LIPN: variants seen among roughly 807,000 people sequenced by gnomAD.
The protein encoded by LIPN is lipase family member N, also known as lipase member N.
Under a neutral mutation model 43.7 loss-of-function variants are expected in LIPN, and 32 were observed. That is an observed-to-expected ratio of 0.73 (90% confidence interval 0.55 to 0.98). The LOEUF (loss-of-function observed/expected upper bound fraction) is 0.98. Among genes scored for constraint, LIPN ranks in the 50% least tolerant of loss-of-function variants. The probability of loss-of-function intolerance (pLI) is 0.00; values close to 1 mark genes in which losing one functional copy is unlikely to be tolerated. For synonymous variants in LIPN, 156 were observed against 157.6 expected, an observed-to-expected ratio of 0.99 and a Z score of 0.08; for missense variants, 505 against 483.8, an observed-to-expected ratio of 1.04 and a Z score of -0.41.
chr10:88,775,284 TAA>T (rs992493566), intron 9 of LIPN, 121 bp downstream of exon 9: 1 of 472,280 alleles, frequency 2.1e-6, no homozygotes, highest in Admixed American at 4.1e-5. Context: ...AACTTTTTTT[TAA>T]AAAAATTTTA....
At chr10:88,776,063 T>G (rs993597949) in intron 9 of LIPN, among the ~76,000 whole-genome samples, 4 of 152,084 alleles carry the variant, frequency 2.6e-5, no homozygotes, top group African/African-American at 9.7e-5. Context: ...TAATTTTGTG[T>G]GTCCCATTTA....
intron 6 of LIPN, chr10:88,769,550 AAAGGTCATTG>A: frequency 2.0e-6 from 2 of 980,460 alleles, no homozygotes; most frequent in Non-Finnish European, 2.4e-6. Flanking sequence ...GTTTCTCTAC[AAAGGTCATTG>A]CCACAATGAA....
rs762551108 is a variant in LIPN at position 88,770,935 on chromosome 10, A to C, written c.763A>C (p.Ile255Leu). Reference protein sequence around the residue: ...KICNNKILWLICSEFMSLWAG... With the variant: ...KICNNKILWLLCSEFMSLWAG... Reference sequence around the variant, plus strand: ...CTGCAACAATAAGATACTCTGGTTGATATGTAGCGAATTTATGTCCTTATG... The same window carrying C: ...CTGCAACAATAAGATACTCTGGTTGCTATGTAGCGAATTTATGTCCTTATG... Residue 255 changes from isoleucine to leucine, a missense_variant, in exon 7 of 10, where the codon ATA (isoleucine) becomes CTA (leucine). Transcript: ENST00000404459. 3 of 1,562,750 alleles carry C rather than the reference A, an allele frequency of 1.9e-6. No homozygotes were observed. The highest frequency in any genetic ancestry group is 2.6e-6 in the Non-Finnish European group (3 of 1,151,314).
At chr10:88,764,757 A>G (rs1171664561) in intron 4 of LIPN, 149 bp downstream of exon 4, 1 of 537,478 alleles carries the variant, frequency 1.9e-6, no homozygotes, top group Non-Finnish European at 3.1e-6. Flanking sequence ...AACAGCAAGA[A>G]GCTCTGATTT....
intron 4 of LIPN, among the ~76,000 whole-genome samples, chr10:88,765,865 T>C (rs1843087122): frequency 6.6e-6 from 1 of 151,848 alleles, no homozygotes. Context: ...CCATAAATAG[T>C]AGAATCATGA....
Position 88,774,459 on chromosome 10 carries a change from T to G in LIPN, c.820-14T>G, listed in dbSNP as rs1843262168. 20 of 1,598,412 alleles carry G rather than the reference T, an allele frequency of 1.3e-5. No homozygotes were observed. Among genetic ancestry groups the G allele is most frequent in the Non-Finnish European group, 1.7e-5 (20 of 1,169,986 alleles). ...GTTGGGCAATTGCTGTAATATGAGT[T>G]TTATCTCCTTTAGAGTCGAATGGAT... On this transcript the variant is annotated splice_polypyrimidine_tract_variant and intron_variant, in intron 7 of 9. Transcript: ENST00000404459.
At chr10:88,775,850 C>G (rs1203208023) in intron 9 of LIPN, among the ~76,000 whole-genome samples, 1 of 151,958 alleles carries the variant, frequency 6.6e-6, no homozygotes, top group Non-Finnish European at 1.5e-5. Flanking sequence ...ATATTTTAAG[C>G]TATTTACTGG....
chr10:88,775,304 TTTTAA>T (rs1405023075), intron 9 of LIPN, 141 bp downstream of exon 9: 22 of 422,736 alleles, frequency 5.2e-5, no homozygotes, highest in Middle Eastern at 6.7e-4. Flanking sequence ...TTAATTTTAA[TTTTAA>T]TTTATTTCAG....
intron 7 of LIPN, among the ~76,000 whole-genome samples, chr10:88,774,031 A>G (rs979300854): frequency 5.9e-5 from 9 of 152,138 alleles, no homozygotes; most frequent in African/African-American, 2.2e-4. Flanking sequence ...ACAGAAACTC[A>G]AAGATGTTAA....
intron 6 of LIPN, chr10:88,769,518 T>G (rs1462854061): frequency 4.2e-6 from 4 of 944,170 alleles, no homozygotes; most frequent in Non-Finnish European, 5.0e-6. Flanking sequence ...AAAGGGTTTT[T>G]TTTTTTTTTC....
chr10:88,776,581 A>G (rs965221643), intron 9 of LIPN, among the ~76,000 whole-genome samples: 1 of 152,056 alleles, frequency 6.6e-6, no homozygotes, highest in South Asian at 2.1e-4. Flanking sequence ...AACTAGTCTC[A>G]ACAGTTTGCT....
intron 9 of LIPN, among the ~76,000 whole-genome samples, chr10:88,777,783 A>G (rs1301822903): frequency 6.6e-6 from 1 of 151,838 alleles, no homozygotes; most frequent in Non-Finnish European, 1.5e-5. Context: ...TTTCCATTTT[A>G]TTTTTGGAGT....
chr10:88,769,578 T>G (rs1843171900), intron 6 of LIPN: 1 of 984,430 alleles, frequency 1.0e-6, no homozygotes, highest in South Asian at 4.7e-5. Context: ...GAACACAGCA[T>G]TTAATCAAAT....
At chr10:88,777,615 C>T (rs868505494) in intron 9 of LIPN, among the ~76,000 whole-genome samples, 18 of 152,116 alleles carry the variant, frequency 1.2e-4, no homozygotes, top group Middle Eastern at 3.4e-3. Context: ...TCTCCAGGTA[C>T]ACTGGGAAGC....
chr10:88,762,210 G>A lies in LIPN; in HGVS notation c.131G>A (p.Gly44Asp). 6.2e-7 allele frequency: 1 copy of A among 1,602,428 alleles called. No individual in the cohort carries two copies. Among genetic ancestry groups the A allele is most frequent in the Middle Eastern group, 1.7e-4 (1 of 6,038 alleles). Reference protein sequence around the residue: ...MNTSEIIIYNGYPSEEYEVTT... With the variant: ...MNTSEIIIYNDYPSEEYEVTT... ...CAGAGTGAAATCATCATCTACAATG[G>A]CTACCCCAGTGAAGAGTATGAAGTC... Residue 44 changes from glycine (G) to aspartate (D), a missense_variant, in exon 3 of 10, where the codon GGC becomes GAC. Gly to Asp is a moderately conservative substitution (Grantham distance 94). Transcript: ENST00000404459.
chr10:88,761,969 C>T (rs958478279), intron 2 of LIPN, among the ~76,000 whole-genome samples: 2 of 151,974 alleles, frequency 1.3e-5, no homozygotes, highest in African/African-American at 4.8e-5. Context: ...TGGGTCAATG[C>T]TAAATTTTCC....
chr10:88,775,096 A>G lies in LIPN; in HGVS notation c.896A>G (p.Tyr299Cys). 6.5e-7 allele frequency: 1 copy of G among 1,535,498 alleles called. No homozygotes were observed. The highest frequency in any genetic ancestry group is 8.8e-7 in the Non-Finnish European group (1 of 1,135,848). Residue 299 changes from tyrosine to cysteine, a missense_variant, in exon 9 of 10, where the codon TAC becomes TGC. By Grantham distance (194) the Tyr-to-Cys change is radical. Transcript: ENST00000404459. Reference protein sequence around the residue: ...VHNILHIKQLYHSDEFRAYDW... With the variant: ...VHNILHIKQLCHSDEFRAYDW... ...TCTAAAAAACATTTGTTTCAGCTTTACCACTCTGATGAATTCAGAGCTTAT... is the reference window on the plus strand; with the variant it reads ...TCTAAAAAACATTTGTTTCAGCTTTGCCACTCTGATGAATTCAGAGCTTAT...
At position 88,769,061 on chromosome 10, in the gene LIPN, T is replaced by C. The variant is rs546581144; in HGVS notation, c.672+133T>C. On this transcript the variant is annotated intron_variant, in intron 6 of 9. Transcript: ENST00000404459. ...ATAGAACTTAGACTCTGTGGGTATG[T>C]GCTTGTGTATGTGTGTCCCTGCGTG... 1.3e-5 allele frequency: 11 copies of C among 839,512 alleles called. No individual in the cohort carries two copies. The South Asian group carries it at 2.0e-4, about 15-fold the overall frequency. The allele number at this position is 839,512 out of a possible 1,614,324, so 52.0% of individuals were successfully genotyped here.
At chr10:88,769,517 T>G (rs1843169785) in intron 6 of LIPN, 2 of 939,008 alleles carry the variant, frequency 2.1e-6, no homozygotes, top group East Asian at 1.2e-4. Flanking sequence ...TAAAGGGTTT[T>G]TTTTTTTTTT....
Sources: gnomAD v4.1 joint callset for allele counts (sites outside exome capture counted in the v4.1 genomes callset) on GRCh38, gnomAD v4.1.1 for gene constraint, MANE v1.5 for transcripts, NCBI Gene and HGNC (gene_info 2026-07-23, HGNC 2026-07-21) for gene names.